The following DOCK5 variants were observed in gnomAD, a reference collection of about 807,000 sequenced individuals.
DOCK5 encodes dedicator of cytokinesis protein 5.
DOCK5 carries 142 observed loss-of-function variants against 251.8 expected under a neutral mutation model. The observed-to-expected ratio is 0.56, with a 90% CI of 0.49 to 0.65. DOCK5 has a LOEUF of 0.65. Among genes scored for constraint, DOCK5 ranks in the 30% least tolerant of loss-of-function variants. The probability of loss-of-function intolerance (pLI) is 0.00; values close to 1 mark genes in which losing one functional copy is unlikely to be tolerated. For synonymous variants in DOCK5, 842 were observed against 835.5 expected (o/e 1.01, Z -0.13); for missense variants, 2,111 against 2,312.3 (o/e 0.91, Z 1.79).
At chr8:25,334,435 A>G (rs1046687663) in intron 21 of DOCK5, among the ~76,000 whole-genome samples, 2 of 152,198 alleles carry the variant, frequency 1.3e-5, no homozygotes, top group African/African-American at 4.8e-5. Flanking sequence ...AAGGATCCAG[A>G]ATAGGCCAGG....
intron 51 of DOCK5, 137 bp from the exon 52 acceptor site, chr8:25,411,057 C>T: frequency 1.8e-6 from 2 of 1,129,208 alleles, no homozygotes; most frequent in Non-Finnish European, 2.3e-6. Flanking sequence ...TGTAGTTTTC[C>T]ATTTCACTTT....
chr8:25,270,848 T>C (rs1414659194), intron 3 of DOCK5: 2 of 707,532 alleles, frequency 2.8e-6, no homozygotes, highest in Non-Finnish European at 5.2e-6. Flanking sequence ...GTCTCTGATA[T>C]AAAATGGCAT....
intron 18 of DOCK5, among the ~76,000 whole-genome samples, chr8:25,327,825 G>A (rs367967042): frequency 6.6e-6 from 1 of 152,076 alleles, no homozygotes; most frequent in South Asian, 2.1e-4. Context: ...ATATATCCTC[G>A]TGTCTATAGT....
chr8:25,342,700 T>G (rs1396897168), intron 25 of DOCK5, among the ~76,000 whole-genome samples, 193 bp downstream of exon 25: 1 of 114,554 alleles, frequency 8.7e-6, no homozygotes, highest in African/African-American at 3.6e-5. Context: ...TGTTTTTTTT[T>G]TTTTTTTTTT....
At chr8:25,352,851 G>C (rs1324396580) in intron 27 of DOCK5, among the ~76,000 whole-genome samples, 1 of 152,106 alleles carries the variant, frequency 6.6e-6, no homozygotes, top group Non-Finnish European at 1.5e-5. Context: ...AGCAGGATAA[G>C]GGAAGTGAGG....
intron 1 of DOCK5, among the ~76,000 whole-genome samples, chr8:25,210,008 T>TTATATATATATATATATA (rs375221561): frequency 3.7e-5 from 1 of 27,218 alleles, no homozygotes; most frequent in African/African-American, 1.1e-4. Flanking sequence ...CCCCGGCTAA[T>TTATATATATATATATATA]TATATATATA....
chr8:25,327,546 ATTGT>A (rs979510411), intron 18 of DOCK5, among the ~76,000 whole-genome samples: 4 of 152,196 alleles, frequency 2.6e-5, no homozygotes, highest in South Asian at 4.1e-4. Context: ...ATATTGTTAC[ATTGT>A]TTGTTATCTC....
At chr8:25,262,086 C>A (rs1402963767) in intron 2 of DOCK5, among the ~76,000 whole-genome samples, 1 of 152,142 alleles carries the variant, frequency 6.6e-6, no homozygotes, top group Non-Finnish European at 1.5e-5. Context: ...AAAGCATTCA[C>A]AAACATTCTT....
At chr8:25,318,879 A>G (rs965393838) in intron 14 of DOCK5, among the ~76,000 whole-genome samples, 5 of 151,992 alleles carry the variant, frequency 3.3e-5, no homozygotes, top group Admixed American at 6.5e-5. Context: ...CTTGCCATGG[A>G]TGTTATAATC....
At chr8:25,190,781 T>G (rs960992973) in intron 1 of DOCK5, among the ~76,000 whole-genome samples, 3 of 95,900 alleles carry the variant, frequency 3.1e-5, no homozygotes, top group African/African-American at 9.8e-5. Flanking sequence ...CATGGGTTTT[T>G]TTTTTTTTTT....
chr8:25,399,294 G>A (rs1801397477), intron 45 of DOCK5, among the ~76,000 whole-genome samples: 1 of 152,248 alleles, frequency 6.6e-6, no homozygotes, highest in Non-Finnish European at 1.5e-5. Context: ...GTTTACTGAT[G>A]AGCCTGGTGC....
At position 25,412,981 on chromosome 8, in the gene DOCK5, C is replaced by T. The variant is rs1162898426; in HGVS notation, c.*1683C>T. The T allele has an allele frequency of 6.6e-6, 1 of 152,152 alleles. No individual in the cohort carries two copies. The highest frequency in any genetic ancestry group is 2.4e-5 in the African/African-American group (1 of 41,438). 9.4% of individuals were successfully genotyped at this position (152,152 alleles called of 1,614,324 possible). ...CCCACCCAGGAAAACCTGCATTGTG[C>T]TAGCATGGAAGAATCATGGGCTTTG... On this transcript the variant is annotated 3_prime_UTR_variant, in exon 52 of 52. Transcript: ENST00000276440.
intron 29 of DOCK5, 117 bp downstream of exon 29, chr8:25,363,258 G>A: frequency 1.2e-6 from 1 of 816,210 alleles, no homozygotes; most frequent in Non-Finnish European, 2.0e-6. Flanking sequence ...GTAAAGTGAG[G>A]ATCTTCCTGC....
intron 34 of DOCK5, among the ~76,000 whole-genome samples, chr8:25,369,901 G>A (rs1800844127): frequency 6.6e-6 from 1 of 152,212 alleles, no homozygotes; most frequent in African/African-American, 2.4e-5. Flanking sequence ...GAGGTGCAGA[G>A]TGGTGGCATT....
At chr8:25,225,721 A>AT (rs1415509027) in intron 1 of DOCK5, among the ~76,000 whole-genome samples, 2 of 151,664 alleles carry the variant, frequency 1.3e-5, no homozygotes, top group East Asian at 3.9e-4. Context: ...AAAAAAAAAA[A>AT]GGAAATTCTG....
rs192957572 is a variant in DOCK5, at chr8:25,211,491, G to T, written c.43+26540G>T. On this transcript the variant is annotated intron_variant, in intron 1 of 51. Transcript: ENST00000276440. ...GCATTTGACTTGCGTCTTAAAGAAGGTTTACGATTTCTGAAATATAAAATG... is the reference window on the plus strand; with the variant it reads ...GCATTTGACTTGCGTCTTAAAGAAGTTTTACGATTTCTGAAATATAAAATG... 7.3e-3 allele frequency among the ~76,000 whole-genome samples: 520 copies of T among 71,406 alleles called. 150 individuals carry two copies. Among genetic ancestry groups the T allele is most frequent in the African/African-American group, 0.016 (499 of 31,480 alleles). 46.8% of individuals were successfully genotyped at this position (71,406 alleles called of 152,430 possible).
At chr8:25,201,143 G>A (rs1246353902) in intron 1 of DOCK5, among the ~76,000 whole-genome samples, 1 of 152,184 alleles carries the variant, frequency 6.6e-6, no homozygotes, top group Non-Finnish European at 1.5e-5. Flanking sequence ...CTGACCTCAG[G>A]TGATCCGCCC....
intron 1 of DOCK5, among the ~76,000 whole-genome samples, chr8:25,193,906 T>C (rs1351717753): frequency 6.6e-6 from 1 of 152,062 alleles, no homozygotes; most frequent in African/African-American, 2.4e-5. Flanking sequence ...GAGTATTGGT[T>C]TTAAGGTTCC....
At chr8:25,324,001 A>AATT in intron 17 of DOCK5, 50 bp downstream of exon 17, 1 of 1,491,402 alleles carries the variant, frequency 6.7e-7, no homozygotes, top group East Asian at 2.4e-5. Flanking sequence ...TCAAATGAGC[A>AATT]TTTAAGACTC....
Sources: gnomAD v4.1 joint callset for allele counts (sites outside exome capture counted in the v4.1 genomes callset) on GRCh38, gnomAD v4.1.1 for gene constraint, MANE v1.5 for transcripts, NCBI Gene and HGNC (gene_info 2026-07-23, HGNC 2026-07-21) for gene names.